MELK: variants seen among roughly 807,000 people sequenced by gnomAD.
MELK encodes pEg3 kinase.
A neutral mutation model predicts 85.0 loss-of-function variants in MELK; 81 were observed. The observed-to-expected ratio is 0.95, with a 90% confidence interval of 0.80 to 1.15. The LOEUF (loss-of-function observed/expected upper bound fraction) is 1.15. Ranked by LOEUF, MELK falls within the 50% of genes most tolerant of loss-of-function variation. The pLI is 0.00. For missense variants in MELK, 754 were observed against 777.5 expected, an observed-to-expected ratio of 0.97 and a Z score of 0.36; for synonymous variants, 252 against 265.0, an observed-to-expected ratio of 0.95 and a Z score of 0.48.
chr9:36,666,663 A>G lies in MELK; in HGVS notation c.1408+1082A>G, dbSNP rs377148086. Among the ~76,000 whole-genome samples, 36 of 152,256 alleles carry G rather than the reference A, an allele frequency of 2.4e-4. No homozygotes were observed. In the South Asian group the frequency reaches 7.3e-3, roughly 31 times the overall value. ...AACCACATCCTGCCATTGTGCTTCT[A>G]GTGTACTAATGGAGCTCATAGCCAG... is the stretch of plus-strand genomic sequence containing the variant. On this transcript the variant is annotated intron_variant, in intron 14 of 17. Transcript: ENST00000298048.
chr9:36,616,508 G>A (rs1826825044), intron 8 of MELK, among the ~76,000 whole-genome samples: 2 of 150,616 alleles, frequency 1.3e-5, no homozygotes, highest in South Asian at 4.2e-4. Flanking sequence ...TTCTGCCTCA[G>A]CCTCCTGAAT....
chr9:36,628,903 G>A (rs1468528992), intron 8 of MELK, among the ~76,000 whole-genome samples: 5 of 130,862 alleles, frequency 3.8e-5, no homozygotes, highest in African/African-American at 9.0e-5. Flanking sequence ...TCGTTCTGTC[G>A]CCCAGGCTAG....
intron 7 of MELK, among the ~76,000 whole-genome samples, chr9:36,604,133 C>T (rs944877833): frequency 6.6e-6 from 1 of 151,364 alleles, no homozygotes; most frequent in Middle Eastern, 3.2e-3. Context: ...CCCTGCCTGG[C>T]AAATTTTGTA....
At chr9:36,616,036 C>G (rs10814416) in intron 8 of MELK, among the ~76,000 whole-genome samples, 21,835 of 152,074 alleles carry the variant, frequency 0.14, 1,880 homozygotes, top group African/African-American at 0.23. Flanking sequence ...CCGCGGGGCC[C>G]GTCCGCTCCT....
At chr9:36,573,554 G>A (rs1821306879) in intron 1 of MELK, among the ~76,000 whole-genome samples, 2 of 152,146 alleles carry the variant, frequency 1.3e-5, no homozygotes, top group Admixed American at 1.3e-4. Flanking sequence ...TGCCCAGGCT[G>A]GAGTGCAATG....
At chr9:36,624,416 C>T (rs1189544853) in intron 8 of MELK, among the ~76,000 whole-genome samples, 3 of 152,174 alleles carry the variant, frequency 2.0e-5, no homozygotes, top group Admixed American at 6.6e-5. Flanking sequence ...GATTGAATAA[C>T]TCTTACAAGC....
intron 14 of MELK, among the ~76,000 whole-genome samples, chr9:36,666,288 GT>G (rs1462769515): frequency 1.3e-5 from 2 of 152,196 alleles, no homozygotes; most frequent in African/African-American, 4.8e-5. Context: ...ACTAAACTGA[GT>G]TTTCTAGACT....
At chr9:36,630,588 G>A (rs533453362) in intron 9 of MELK, among the ~76,000 whole-genome samples, 4 of 152,000 alleles carry the variant, frequency 2.6e-5, no homozygotes, top group Non-Finnish European at 5.9e-5. Flanking sequence ...CTTACTTTGC[G>A]AATTTTCTGT....
chr9:36,674,218 TTGAA>T (rs1454539004), intron 16 of MELK, among the ~76,000 whole-genome samples: 2 of 152,204 alleles, frequency 1.3e-5, no homozygotes, highest in East Asian at 1.9e-4. Context: ...AAAGTAGTTG[TTGAA>T]TGAATGAAGG....
intron 12 of MELK, among the ~76,000 whole-genome samples, chr9:36,656,716 C>G (rs1306333688): frequency 2.6e-5 from 4 of 152,060 alleles, no homozygotes; most frequent in Admixed American, 2.0e-4. Context: ...TAACCTCCAC[C>G]TGGTGGACTC....
chr9:36,642,567 T>C (rs558501541), intron 10 of MELK, among the ~76,000 whole-genome samples: 1 of 152,066 alleles, frequency 6.6e-6, no homozygotes, highest in African/African-American at 2.4e-5. Context: ...TGGCTGGGAT[T>C]ACAGATGCTC....
intron 1 of MELK, among the ~76,000 whole-genome samples, chr9:36,580,702 TG>T (rs1305992613): frequency 2.6e-5 from 4 of 151,878 alleles, no homozygotes; most frequent in Admixed American, 6.6e-5. Context: ...TCCATGTTTT[TG>T]TTGGCCATTT....
intron 14 of MELK, 138 bp from the exon 15 acceptor site, chr9:36,669,172 C>G (rs1194902515): frequency 1.1e-5 from 5 of 444,762 alleles, no homozygotes; most frequent in African/African-American, 8.2e-5. Context: ...AGAATTAGAG[C>G]CTTCGACATC....
chr9:36,606,631 A>G (rs1221218542), intron 7 of MELK, among the ~76,000 whole-genome samples: 3 of 147,256 alleles, frequency 2.0e-5, no homozygotes, highest in Admixed American at 6.9e-5. Flanking sequence ...GTATATATGG[A>G]CATATATGTA....
At chr9:36,632,909 G>A (rs1828781817) in intron 9 of MELK, among the ~76,000 whole-genome samples, 193 bp from the exon 10 acceptor site, 1 of 152,164 alleles carries the variant, frequency 6.6e-6, no homozygotes, top group Admixed American at 6.5e-5. Context: ...GCCTGTGTTG[G>A]TTGCTATAGT....
chr9:36,631,992 A>C (rs1828685040), intron 9 of MELK, among the ~76,000 whole-genome samples: 1 of 152,198 alleles, frequency 6.6e-6, no homozygotes, highest in Admixed American at 6.5e-5. Flanking sequence ...TAAGTATGTT[A>C]GTAGATACTG....
intron 17 of MELK, among the ~76,000 whole-genome samples, chr9:36,675,481 C>T (rs1237319993): frequency 1.3e-5 from 2 of 152,150 alleles, no homozygotes; most frequent in African/African-American, 4.8e-5. Context: ...ATTCAAAATT[C>T]TTCTGGCTTT....
intron 8 of MELK, among the ~76,000 whole-genome samples, chr9:36,615,978 C>G (rs10814415): frequency 0.14 from 21,787 of 151,950 alleles, 1,870 homozygotes; most frequent in African/African-American, 0.23. Context: ...GCTGCAATCT[C>G]GGCACTTTGG....
In MELK at chr9:36,648,348, A is replaced by G. The variant is rs143933713; in HGVS notation, c.922-3398A>G. ...GAAAGGCATCAAGCAAACTGATGAGAGCTCCAGAAAGGCTCAGGAATCAGA... is the reference window on the plus strand; with the variant it reads ...GAAAGGCATCAAGCAAACTGATGAGGGCTCCAGAAAGGCTCAGGAATCAGA... On this transcript the variant is annotated intron_variant, in intron 11 of 17. Transcript: ENST00000298048. 5.3e-3 allele frequency among the ~76,000 whole-genome samples: 814 copies of G among 152,288 alleles called. 7 individuals carry two copies. The highest frequency in any genetic ancestry group is 0.017 in the African/African-American group (705 of 41,556).
Sources: allele counts gnomAD v4.1 joint callset (sites outside exome capture counted in the v4.1 genomes callset), GRCh38; gene constraint gnomAD v4.1.1; transcripts MANE v1.5; gene names NCBI Gene and HGNC (gene_info 2026-07-23, HGNC 2026-07-21).